The following KRT38 variants were observed in gnomAD, a reference collection of about 807,000 sequenced individuals.
KRT38 encodes keratin, type I cuticular Ha8.
A neutral mutation model predicts 43.1 loss-of-function variants in KRT38; 45 were observed. The observed-to-expected ratio is 1.04, with a 90% confidence interval of 0.82 to 1.34. The LOEUF (loss-of-function observed/expected upper bound fraction) is 1.34, where lower values mean the gene tolerates loss of function less well. Ranked by LOEUF, KRT38 falls within the 40% of genes most tolerant of loss-of-function variation. KRT38 has a pLI of 0.00. For missense variants in KRT38, 627 were observed against 586.2 expected (o/e 1.07, Z -0.72); for synonymous variants, 258 against 244.0 (o/e 1.06, Z -0.53).
chr17:41,440,096 A>C, intron 2 of KRT38, 65 bp downstream of exon 2: 1 of 1,267,618 alleles, frequency 7.9e-7, no homozygotes. Context: ...TCACTCAACA[A>C]GTATTTGGGC....
chr17:41,438,869 GAGGA>G lies in KRT38; in HGVS notation c.733-15_733-12del. 1 of 1,613,712 alleles carries G rather than the reference GAGGA, an allele frequency of 6.2e-7. No individual in the cohort carries two copies. The highest frequency in any genetic ancestry group is 8.5e-7 in the Non-Finnish European group (1 of 1,179,748). Reference sequence around the variant, plus strand: ...CAGAATCTTTACTTCCTGCAGAAGGGAGGAAGGGACAGACAGCCTGCATGAGGAA... The same window carrying G: ...CAGAATCTTTACTTCCTGCAGAAGGGAGGGACAGACAGCCTGCATGAGGAA... On this transcript the variant is annotated splice_polypyrimidine_tract_variant and intron_variant, in intron 3 of 6. Coordinates refer to ENST00000246646, the MANE Select transcript of KRT38 (RefSeq NM_006771.4).
chr17:41,438,800 T>C lies in KRT38; in HGVS notation c.791A>G (p.Glu264Gly). 1 of 1,614,104 alleles carries C rather than the reference T, an allele frequency of 6.2e-7. No homozygotes were observed. The highest frequency in any genetic ancestry group is 8.5e-7 in the Non-Finnish European group (1 of 1,180,002). ...GEKLRIELDI[E>G]PTIDLNRVLG... ...CACCCTGTTCAGGTCAATGGTGGGC[T>C]CAATGTCCAGCTCAATCCGGAGCTT... The change falls in exon 4 of 7, where the codon GAG (glutamate) becomes GGG (glycine). Residue 264 changes from glutamate (E) to glycine (G), a missense_variant. Coordinates refer to ENST00000246646, the MANE Select transcript of KRT38 (RefSeq NM_006771.4).
chr17:41,438,937 C>G (rs2018764369), intron 3 of KRT38, 79 bp from the exon 4 acceptor site: 1 of 1,530,928 alleles, frequency 6.5e-7, no homozygotes, highest in South Asian at 1.2e-5. Flanking sequence ...GGACCCCGCC[C>G]CTGGCAAGCA....
rs531937453 is a variant in KRT38 at position 41,438,774 on chromosome 17, G to C, written c.817C>G (p.Leu273Val). ...IEPTIDLNRV[L>V]GEMRAQYEAM... is the part of the protein sequence containing the mutation. ...TCATACTGAGCCCGCATCTCCCCCA[G>C]CACCCTGTTCAGGTCAATGGTGGGC... The change falls in exon 4 of 7, where the codon CTG becomes GTG. Residue 273 changes from leucine (L) to valine (V), a missense_variant. Transcript: ENST00000246646. 2.2e-5 allele frequency: 36 copies of C among 1,614,028 alleles called. No homozygotes were observed. The Admixed American group carries it at 3.3e-4, about 15-fold the overall frequency.
intron 3 of KRT38, 65 bp from the exon 4 acceptor site, chr17:41,438,923 A>C: frequency 6.4e-7 from 1 of 1,566,890 alleles, no homozygotes. Flanking sequence ...AGCAGACAGC[A>C]CCAGGACCCC....
rs1330692142 is a variant in KRT38, at chr17:41,438,738, C to T, written c.853G>A (p.Glu285Lys). Residue 285 changes from glutamate (E) to lysine (K), a missense_variant, in exon 4 of 7, where the codon GAG (glutamate) becomes AAG (lysine). Transcript: ENST00000246646. Reference sequence around the variant, plus strand: ...TGTTCCACATCCTGGCGGTTGGTCTCCAACATGGCCTCATACTGAGCCCGC... The same window carrying T: ...TGTTCCACATCCTGGCGGTTGGTCTTCAACATGGCCTCATACTGAGCCCGC... ...EMRAQYEAMLETNRQDVEQWF... is the reference protein window; with the variant it reads ...EMRAQYEAMLKTNRQDVEQWF... The T allele has an allele frequency of 6.2e-7, 1 of 1,614,128 alleles. No individual in the cohort carries two copies. Among genetic ancestry groups the T allele is most frequent in the African/African-American group, 1.3e-5 (1 of 75,020 alleles).
rs60786473 is a variant in KRT38 at position 41,438,605 on chromosome 17, G to T, written c.906C>A (p.Ile302=). The T allele has an allele frequency of 0.075, 121,207 of 1,614,048 alleles. 4,975 individuals carry two copies. The highest frequency in any genetic ancestry group is 0.082 in the Non-Finnish European group (97,299 of 1,179,990). ...EQWFQAQSEG[I]SLQDMSCSEE... is the part of the protein sequence containing the mutation. ...CGGAGCAGGACATGTCCTGCAGGCT[G>T]ATGCCTTCAGACTGGAGCACAGAGA... is the stretch of plus-strand genomic sequence containing the variant. The change falls in exon 5 of 7, where the codon ATC becomes ATA. Residue 302 remains isoleucine, a synonymous_variant. Transcript: ENST00000246646.
chr17:41,440,307 T>C (rs2018780439), intron 1 of KRT38, 64 bp from the exon 2 acceptor site: 2 of 1,606,350 alleles, frequency 1.2e-6, no homozygotes, highest in Non-Finnish European at 1.7e-6. Context: ...TCTCCACGTG[T>C]GGTGTCTATG....
Position 41,438,809 on chromosome 17 carries a change from A to T in KRT38, c.782T>A (p.Leu261Gln), listed in dbSNP as rs571784035. The change falls in exon 4 of 7, where the codon CTG (leucine) becomes CAG (glutamine). Residue 261 changes from leucine to glutamine, a missense_variant. Physicochemically the swap from Leu to Gln is moderately radical, Grantham distance 113. Transcript: ENST00000246646. ...SQLGEKLRIE[L>Q]DIEPTIDLNR... is the part of the protein sequence containing the mutation. ...CAGGTCAATGGTGGGCTCAATGTCCAGCTCAATCCGGAGCTTCTCCCCCAG... is the reference window on the plus strand; with the variant it reads ...CAGGTCAATGGTGGGCTCAATGTCCTGCTCAATCCGGAGCTTCTCCCCCAG... 6.2e-7 allele frequency: 1 copy of T among 1,614,126 alleles called. No individual in the cohort carries two copies. The highest frequency in any genetic ancestry group is 8.5e-7 in the Non-Finnish European group (1 of 1,180,016).
In KRT38 at chr17:41,438,332, G is replaced by A. The variant is rs777485464; in HGVS notation, c.1021-19C>T. ...AGTCCTTCTGTAGTGGGAAATAAGG[G>A]GATAAAATATACAAGGCCCCAAGGG... is the stretch of plus-strand genomic sequence containing the variant. On this transcript the variant is annotated intron_variant, in intron 5 of 6. Coordinates refer to ENST00000246646, the MANE Select transcript of KRT38 (RefSeq NM_006771.4). 2 of 1,610,138 alleles carry A rather than the reference G, an allele frequency of 1.2e-6. No homozygotes were observed. Among genetic ancestry groups the A allele is most frequent in the South Asian group, 1.1e-5 (1 of 90,894 alleles).
intron 6 of KRT38, 96 bp downstream of exon 6, chr17:41,437,997 G>A: frequency 3.3e-6 from 4 of 1,194,662 alleles, no homozygotes; most frequent in East Asian, 2.4e-5. Context: ...TGCACAGAGA[G>A]CCTCATTCTA....
chr17:41,439,417 G>T (rs2018771071), intron 2 of KRT38, 58 bp from the exon 3 acceptor site: 7 of 1,576,888 alleles, frequency 4.4e-6, no homozygotes, highest in Admixed American at 1.7e-5. Flanking sequence ...CCTCTCGGCT[G>T]CCCTGGCTTC....
At chr17:41,438,896 G>A (rs747459067) in intron 3 of KRT38, 38 bp from the exon 4 acceptor site, 1 of 1,608,356 alleles carries the variant, frequency 6.2e-7, no homozygotes, top group South Asian at 1.1e-5. Flanking sequence ...CCTGCATGAG[G>A]AAAGGGCCTT....
chr17:41,440,306 G>T lies in KRT38; in HGVS notation c.493-63C>A, dbSNP rs2018780409. 4 of 1,606,064 alleles carry T rather than the reference G, an allele frequency of 2.5e-6. No homozygotes were observed. The South Asian group carries it at 4.4e-5, about 18-fold the overall frequency. On this transcript the variant is annotated intron_variant, in intron 1 of 6. Transcript: ENST00000246646. ...CATGCCCTAGGCTCCTTCTCCACGT[G>T]TGGTGTCTATGATCATGTCCAAGAG...
rs146345866 is a variant in KRT38, at chr17:41,438,818, C to G, written c.773G>C (p.Arg258Pro). ...ILRSQLGEKL[R>P]IELDIEPTID... ...GGTGGGCTCAATGTCCAGCTCAATC[C>G]GGAGCTTCTCCCCCAGCTGACTCCT... Residue 258 changes from arginine (R) to proline (P), a missense_variant, in exon 4 of 7, where the codon CGG (arginine) becomes CCG (proline). Coordinates refer to ENST00000246646, the MANE Select transcript of KRT38 (RefSeq NM_006771.4). 3 of 1,614,138 alleles carry G rather than the reference C, an allele frequency of 1.9e-6. No homozygotes were observed. Among genetic ancestry groups the G allele is most frequent in the Admixed American group, 1.7e-5 (1 of 60,026 alleles).
At position 41,438,604 on chromosome 17, in the gene KRT38, T is replaced by C; in HGVS notation, c.907A>G (p.Ser303Gly). Residue 303 changes from serine (S) to glycine (G), a missense_variant, in exon 5 of 7, where the codon AGC (serine) becomes GGC (glycine). By Grantham distance (56) the Ser-to-Gly change is moderately conservative. Coordinates refer to ENST00000246646, the MANE Select transcript of KRT38 (RefSeq NM_006771.4). The part of the protein sequence containing the change: ...QWFQAQSEGI[S>G]LQDMSCSEEL... Reference sequence around the variant, plus strand: ...TCGGAGCAGGACATGTCCTGCAGGCTGATGCCTTCAGACTGGAGCACAGAG... The same window carrying C: ...TCGGAGCAGGACATGTCCTGCAGGCCGATGCCTTCAGACTGGAGCACAGAG... 4.3e-6 allele frequency: 7 copies of C among 1,614,124 alleles called. No individual in the cohort carries two copies. The highest frequency in any genetic ancestry group is 5.9e-6 in the Non-Finnish European group (7 of 1,180,006).
At position 41,438,685 on chromosome 17, in the gene KRT38, C is replaced by CA; in HGVS notation, c.894+11_894+12insT. The CA allele has an allele frequency of 1.9e-6, 3 of 1,612,948 alleles. No homozygotes were observed. The highest frequency in any genetic ancestry group is 2.5e-6 in the Non-Finnish European group (3 of 1,179,186). ...GCCAGGTACCCCCTGGTTCTATACCCCCCCCACTCACCTGGGCTTGGAACC... is the reference window on the plus strand; with the variant it reads ...GCCAGGTACCCCCTGGTTCTATACCCACCCCCACTCACCTGGGCTTGGAACC... On this transcript the variant is annotated intron_variant, in intron 4 of 6. Transcript: ENST00000246646.
At chr17:41,439,759 C>T (rs538134764) in intron 2 of KRT38, among the ~76,000 whole-genome samples, 6 of 152,292 alleles carry the variant, frequency 3.9e-5, no homozygotes, top group African/African-American at 1.4e-4. Flanking sequence ...GTCTTCCCCT[C>T]TCTCATTTTT....
In KRT38 at chr17:41,438,902, G is replaced by A. The variant is rs776175081; in HGVS notation, c.733-44C>T. 4.7e-5 allele frequency: 75 copies of A among 1,603,434 alleles called. No homozygotes were observed. In the Middle Eastern group the frequency reaches 5.0e-4, roughly 11 times the overall value. On this transcript the variant is annotated intron_variant, in intron 3 of 6. Coordinates refer to ENST00000246646, the MANE Select transcript of KRT38 (RefSeq NM_006771.4). ...GACAGACAGCCTGCATGAGGAAAGG[G>A]CCTTTGATGGAGCAGACAGCACCAG...
Sources: allele counts gnomAD v4.1 joint callset (sites outside exome capture counted in the v4.1 genomes callset), GRCh38; gene constraint gnomAD v4.1.1; transcripts MANE v1.5; gene names NCBI Gene and HGNC (gene_info 2026-07-23, HGNC 2026-07-21).